Variants in NIPAL2 observed in about 807,000 individuals in gnomAD.
NIPAL2 encodes NIPA-like protein 2.
A neutral mutation model predicts 48.9 loss-of-function variants in NIPAL2; 43 were observed. The observed-to-expected ratio is 0.88, with a 90% CI of 0.69 to 1.13. NIPAL2 has a LOEUF of 1.13. NIPAL2 is among the 50% of genes most tolerant of loss of function. The pLI is 0.00. For missense variants in NIPAL2, 446 were observed against 461.4 expected (o/e 0.97, Z 0.31); for synonymous variants, 167 against 174.6 (o/e 0.96, Z 0.34).
Position 98,283,089 on chromosome 8 carries a change from A to C in NIPAL2, c.135+10914T>G, listed in dbSNP as rs551641013. 6.6e-5 allele frequency among the ~76,000 whole-genome samples: 10 copies of C among 152,358 alleles called. No individual in the cohort carries two copies. In the East Asian group the frequency reaches 1.9e-3, roughly 29 times the overall value. ...CATGCCAATTTTTAATCAACCTTAA[A>C]GCCTAGGCAGAAAACCCCAACATAT... On this transcript the variant is annotated intron_variant, in intron 1 of 10. Coordinates refer to ENST00000430223, the MANE Select transcript of NIPAL2 (RefSeq NM_001321635.2).
chr8:98,217,172 C>T (rs542040211), intron 5 of NIPAL2: 3 of 985,442 alleles, frequency 3.0e-6, no homozygotes, highest in East Asian at 1.1e-4. Context: ...ATACACTGGG[C>T]TTCTCAAATC....
At chr8:98,260,745 A>C (rs1017238612) in intron 1 of NIPAL2, among the ~76,000 whole-genome samples, 6 of 152,260 alleles carry the variant, frequency 3.9e-5, no homozygotes, top group Non-Finnish European at 8.8e-5. Flanking sequence ...TAAACAAAGC[A>C]GCCGGGAAGC....
chr8:98,255,057 A>G (rs1016962641), intron 1 of NIPAL2, among the ~76,000 whole-genome samples: 2 of 151,148 alleles, frequency 1.3e-5, no homozygotes, highest in Non-Finnish European at 2.9e-5. Flanking sequence ...GCTTCTTTCT[A>G]TTGGGTCTTC....
intron 1 of NIPAL2, among the ~76,000 whole-genome samples, chr8:98,293,400 GTTGT>G (rs1184713403): frequency 4.6e-5 from 7 of 152,298 alleles, no homozygotes; most frequent in South Asian, 2.1e-4. Flanking sequence ...GTAAACTGGC[GTTGT>G]TTAAGTTAAC....
chr8:98,225,535 A>G (rs1202451490), intron 4 of NIPAL2, among the ~76,000 whole-genome samples: 2 of 152,352 alleles, frequency 1.3e-5, no homozygotes, highest in African/African-American at 4.8e-5. Context: ...TAATCTGGAC[A>G]TGTAAGATCC....
chr8:98,191,666 A>C lies in NIPAL2; in HGVS notation c.*1312T>G, dbSNP rs926666119. The C allele has an allele frequency of 6.6e-6, 1 of 152,256 alleles. No homozygotes were observed. The highest frequency in any genetic ancestry group is 2.4e-5 in the African/African-American group (1 of 41,464). 9.4% of individuals were successfully genotyped at this position (152,256 alleles called of 1,614,324 possible). On this transcript the variant is annotated 3_prime_UTR_variant, in exon 11 of 11. Coordinates refer to ENST00000430223, the MANE Select transcript of NIPAL2 (RefSeq NM_001321635.2). ...GATCTGAAGGCTTTGAAATGTCATT[A>C]AGGGTGGGACTTATTGTTGGATGTT...
chr8:98,209,203 T>C (rs1191387624), intron 6 of NIPAL2, among the ~76,000 whole-genome samples: 2 of 152,166 alleles, frequency 1.3e-5, no homozygotes, highest in African/African-American at 2.4e-5. Context: ...CTGTAAATAA[T>C]AGACATGCTC....
chr8:98,236,097 T>C, intron 4 of NIPAL2, 58 bp downstream of exon 4: 2 of 1,189,930 alleles, frequency 1.7e-6, no homozygotes, highest in Non-Finnish European at 2.5e-6. Context: ...TTATGGATTG[T>C]ATTATTTATT....
At chr8:98,236,429 A>T (rs753873294) in intron 3 of NIPAL2, among the ~76,000 whole-genome samples, 5 of 152,194 alleles carry the variant, frequency 3.3e-5, no homozygotes, top group Non-Finnish European at 4.4e-5. Flanking sequence ...TGGCTGAGAC[A>T]GTGTCTTGTA....
intron 1 of NIPAL2, among the ~76,000 whole-genome samples, chr8:98,280,177 T>C (rs1335884803): frequency 6.6e-6 from 1 of 152,202 alleles, no homozygotes; most frequent in African/African-American, 2.4e-5. Context: ...TGGTGATCTG[T>C]CCCAGCTCTG....
At chr8:98,207,358 C>T (rs191505234) in intron 6 of NIPAL2, among the ~76,000 whole-genome samples, 2 of 152,300 alleles carry the variant, frequency 1.3e-5, no homozygotes, top group African/African-American at 4.8e-5. Context: ...TGATTAATCA[C>T]TATTTTAACC....
chr8:98,278,740 A>G (rs1432055970), intron 1 of NIPAL2, among the ~76,000 whole-genome samples: 2 of 152,246 alleles, frequency 1.3e-5, no homozygotes, highest in Non-Finnish European at 2.9e-5. Flanking sequence ...GACATTGTTT[A>G]TTAAATACCA....
intron 1 of NIPAL2, among the ~76,000 whole-genome samples, chr8:98,293,304 C>A (rs1231812035): frequency 6.6e-6 from 1 of 152,152 alleles, no homozygotes; most frequent in African/African-American, 2.4e-5. Flanking sequence ...GAAGGGCTGG[C>A]CAGAACACTT....
At chr8:98,246,502 T>C (rs1388758375) in intron 3 of NIPAL2, among the ~76,000 whole-genome samples, 1 of 152,190 alleles carries the variant, frequency 6.6e-6, no homozygotes, top group Non-Finnish European at 1.5e-5. Context: ...TTGCTGCTAT[T>C]ATCTTTCCAT....
intron 3 of NIPAL2, among the ~76,000 whole-genome samples, chr8:98,240,512 T>C (rs1448276371): frequency 6.6e-6 from 1 of 152,184 alleles, no homozygotes; most frequent in Non-Finnish European, 1.5e-5. Flanking sequence ...ACCCTTTCCC[T>C]ACAAGCTTAT....
chr8:98,284,981 A>G (rs1228428401), intron 1 of NIPAL2, among the ~76,000 whole-genome samples: 5 of 152,180 alleles, frequency 3.3e-5, no homozygotes, highest in Non-Finnish European at 7.3e-5. Context: ...CCTTTCTAGA[A>G]TTCCTTGGGG....
chr8:98,231,450 A>G (rs952678507), intron 4 of NIPAL2, among the ~76,000 whole-genome samples: 2 of 152,180 alleles, frequency 1.3e-5, no homozygotes, highest in African/African-American at 2.4e-5. Flanking sequence ...CTGATATTCT[A>G]TTTAGGCTGA....
intron 4 of NIPAL2, among the ~76,000 whole-genome samples, chr8:98,235,447 G>C (rs1225912402): frequency 6.6e-6 from 1 of 152,138 alleles, no homozygotes; most frequent in Non-Finnish European, 1.5e-5. Flanking sequence ...AAGAACAATG[G>C]TCTGTGCTAC....
intron 4 of NIPAL2, among the ~76,000 whole-genome samples, chr8:98,228,308 C>G (rs978052423): frequency 1.3e-5 from 2 of 152,172 alleles, no homozygotes; most frequent in South Asian, 2.1e-4. Flanking sequence ...ATTCAGCCAT[C>G]TTGCTCCACT....
Sources: allele counts gnomAD v4.1 joint callset (sites outside exome capture counted in the v4.1 genomes callset), GRCh38; gene constraint gnomAD v4.1.1; transcripts MANE v1.5; gene names NCBI Gene and HGNC (gene_info 2026-07-23, HGNC 2026-07-21).